Variants in SPOCK1 observed in about 807,000 individuals in gnomAD.
SPOCK1 encodes the protein testican-1.
A neutral mutation model predicts 55.3 loss-of-function variants in SPOCK1; 23 were observed. That is an observed-to-expected ratio of 0.42 (90% CI 0.30 to 0.59). SPOCK1 has a LOEUF of 0.59. Ranked by LOEUF, SPOCK1 falls within the 20% of genes least tolerant of loss-of-function variation. The probability of loss-of-function intolerance (pLI) is 0.22; values close to 1 mark genes in which losing one functional copy is unlikely to be tolerated. For synonymous variants in SPOCK1, 226 were observed against 221.0 expected, an observed-to-expected ratio of 1.02 and a Z score of -0.20; for missense variants, 499 against 552.5, an observed-to-expected ratio of 0.90 and a Z score of 0.97.
Position 137,267,014 on chromosome 5 carries a change from G to T in SPOCK1, c.228C>A (p.Asp76Glu). 6.2e-7 allele frequency: 1 copy of T among 1,612,512 alleles called. No individual in the cohort carries two copies. Among genetic ancestry groups the T allele is most frequent in the Non-Finnish European group, 8.5e-7 (1 of 1,178,668 alleles). Residue 76 changes from aspartate to glutamate, a missense_variant, in exon 3 of 11, where the codon GAC becomes GAA. Asp to Glu is a conservative substitution (Grantham distance 45). Around this residue, in one of 3 missense-constraint regions of SPOCK1, gnomAD observed 386 missense variants for 400.6 expected, o/e 0.96. Coordinates refer to ENST00000394945, the MANE Select transcript of SPOCK1 (RefSeq NM_004598.4). ...AAGAAATATTGCATCCATTACCTTG[G>T]TCAAAGGGCTTGTTGGGATTCCAGT... is the stretch of plus-strand genomic sequence containing the variant. ...FRNWNPNKPF[D>E]QALDPSKDPC...
intron 9 of SPOCK1, among the ~76,000 whole-genome samples, chr5:136,980,784 T>C (rs1408861678): frequency 6.6e-6 from 1 of 152,196 alleles, no homozygotes; most frequent in East Asian, 1.9e-4. Flanking sequence ...TTGTTTCTTT[T>C]GAAGTTCCTA....
chr5:137,023,025 T>C (rs911436788), intron 6 of SPOCK1, among the ~76,000 whole-genome samples: 3 of 152,128 alleles, frequency 2.0e-5, no homozygotes, highest in Non-Finnish European at 4.4e-5. Flanking sequence ...GGCAGCACAG[T>C]GTAGTGGATA....
intron 2 of SPOCK1, among the ~76,000 whole-genome samples, chr5:137,329,029 G>A (rs1447162402): frequency 2.0e-5 from 3 of 152,144 alleles, no homozygotes; most frequent in African/African-American, 7.2e-5. Context: ...CATGATTCTG[G>A]CTGTGTCTGT....
At chr5:137,241,927 C>T (rs1756290771) in intron 3 of SPOCK1, among the ~76,000 whole-genome samples, 1 of 152,184 alleles carries the variant, frequency 6.6e-6, no homozygotes, top group East Asian at 1.9e-4. Flanking sequence ...GGGAATTCAG[C>T]ATATTGAAGA....
rs767300752 is a variant in SPOCK1, at chr5:136,979,402, C to T, written c.1059G>A (p.Gly353=). 8.7e-6 allele frequency: 14 copies of T among 1,614,024 alleles called. No homozygotes were observed. The highest frequency in any genetic ancestry group is 1.2e-5 in the Non-Finnish European group (14 of 1,180,012). ...CATATTTGTCCACACACCAGCACTG[C>T]CCCGTGCTGCCGTGGCACTGTGTGG... ...YKATQCHGST[G]QCWCVDKYGN... is the part of the protein sequence containing the mutation. Residue 353 remains glycine, a synonymous_variant, in exon 10 of 11, where the codon GGG becomes GGA. Transcript: ENST00000394945.
rs115203589 is a variant in SPOCK1, at chr5:137,484,445, C to T, written c.186+13928G>A. Among the ~76,000 whole-genome samples the T allele has an allele frequency of 2.7e-3, 405 of 152,360 alleles. 1 individual carries two copies. Among genetic ancestry groups the T allele is most frequent in the African/African-American group, 9.0e-3 (376 of 41,586 alleles). On this transcript the variant is annotated intron_variant, in intron 2 of 10. Coordinates refer to ENST00000394945, the MANE Select transcript of SPOCK1 (RefSeq NM_004598.4). ...AGGAAAACATTCCTCCCAATCGGGA[C>T]TCTGATGATCATGCATCACCTTACC...
At chr5:137,108,803 C>T (rs1753412596) in intron 5 of SPOCK1, among the ~76,000 whole-genome samples, 2 of 152,174 alleles carry the variant, frequency 1.3e-5, no homozygotes, top group Admixed American at 6.5e-5. Context: ...ATATGCCACT[C>T]CTCTTATGAA....
At chr5:137,413,168 T>C (rs7719107) in intron 2 of SPOCK1, among the ~76,000 whole-genome samples, 12,200 of 152,222 alleles carry the variant, frequency 0.08, 1,244 homozygotes, top group African/African-American at 0.24. Context: ...ATTCTTTTCT[T>C]CTCAGTCAAC....
intron 3 of SPOCK1, among the ~76,000 whole-genome samples, chr5:137,261,675 G>A (rs939517319): frequency 1.3e-5 from 2 of 152,204 alleles, no homozygotes; most frequent in African/African-American, 4.8e-5. Flanking sequence ...TGCTCTGGAA[G>A]AATGATTAGT....
chr5:137,073,685 TACA>T (rs1284825990), intron 5 of SPOCK1, among the ~76,000 whole-genome samples: 13 of 152,124 alleles, frequency 8.5e-5, no homozygotes, highest in Admixed American at 7.9e-4. Context: ...TTTTTTTTTT[TACA>T]AGAGAATAGC....
intron 2 of SPOCK1, among the ~76,000 whole-genome samples, chr5:137,389,634 CAGACTA>C (rs551619331): frequency 6.6e-6 from 1 of 152,354 alleles, no homozygotes; most frequent in East Asian, 1.9e-4. Flanking sequence ...CCTCATCTCA[CAGACTA>C]AGAGCCACAA....
intron 5 of SPOCK1, among the ~76,000 whole-genome samples, chr5:137,110,060 T>G (rs79829088): frequency 0.14 from 20,550 of 152,142 alleles, 1,592 homozygotes; most frequent in East Asian, 0.24. Context: ...GCTGAACAAA[T>G]GAATGAAAGA....
intron 4 of SPOCK1, among the ~76,000 whole-genome samples, chr5:137,140,040 T>C (rs1162406024): frequency 2.6e-5 from 4 of 152,304 alleles, no homozygotes; most frequent in South Asian, 2.1e-4. Context: ...TCAGGGGCTG[T>C]ACCCTGAGGA....
intron 4 of SPOCK1, among the ~76,000 whole-genome samples, chr5:137,133,801 A>T (rs998172034): frequency 2.6e-5 from 4 of 152,214 alleles, no homozygotes; most frequent in Non-Finnish European, 5.9e-5. Flanking sequence ...AGAAGGGGAA[A>T]AATGAACTCA....
intron 2 of SPOCK1, among the ~76,000 whole-genome samples, chr5:137,479,630 T>C (rs1459208967): frequency 6.6e-6 from 1 of 152,228 alleles, no homozygotes; most frequent in African/African-American, 2.4e-5. Flanking sequence ...CACAGCACAC[T>C]CTTCCTCCTG....
chr5:136,990,059 G>A (rs1214819990), intron 7 of SPOCK1, among the ~76,000 whole-genome samples: 3 of 152,096 alleles, frequency 2.0e-5, no homozygotes, highest in East Asian at 3.9e-4. Context: ...ACAGGTGCCC[G>A]CCACCATGCC....
chr5:137,428,672 C>T (rs1752683640), intron 2 of SPOCK1, among the ~76,000 whole-genome samples: 1 of 152,198 alleles, frequency 6.6e-6, no homozygotes, highest in African/African-American at 2.4e-5. Context: ...CAATGTCCTG[C>T]TGCCAAACTG....
chr5:137,340,477 C>G (rs763384133), intron 2 of SPOCK1, among the ~76,000 whole-genome samples: 1 of 152,208 alleles, frequency 6.6e-6, no homozygotes, highest in African/African-American at 2.4e-5. Flanking sequence ...CCTATCTGAG[C>G]CTTCAGTTCT....
At chr5:137,200,108 G>A (rs1016282188) in intron 3 of SPOCK1, among the ~76,000 whole-genome samples, 6 of 152,166 alleles carry the variant, frequency 3.9e-5, no homozygotes, top group African/African-American at 9.7e-5. Flanking sequence ...CACTCAAAGT[G>A]AAGAGTCCTT....
Sources: gnomAD v4.1 joint callset for allele counts (sites outside exome capture counted in the v4.1 genomes callset) on GRCh38, gnomAD v4.1.1 for gene constraint, gnomAD v4.1.1 regional missense constraint, MANE v1.5 for transcripts, NCBI Gene and HGNC (gene_info 2026-07-23, HGNC 2026-07-21) for gene names.